MAP2K7: variants seen among roughly 807,000 people sequenced by gnomAD.
MAP2K7 encodes mitogen-activated protein kinase kinase 7, also known as dual specificity mitogen-activated protein kinase kinase 7.
MAP2K7 carries 12 observed loss-of-function variants against 47.7 expected under a neutral mutation model. The ratio of observed to expected loss-of-function variants is 0.25; its 90% CI spans 0.16 to 0.41. MAP2K7 has a LOEUF of 0.41. MAP2K7 is among the 10% of genes least tolerant of loss of function. MAP2K7 has a pLI of 1.00. For synonymous variants in MAP2K7, 299 were observed against 243.0 expected, an observed-to-expected ratio of 1.23 and a Z score of -2.14; for missense variants, 415 against 600.3, an observed-to-expected ratio of 0.69 and a Z score of 3.23.
rs1157627888 is a variant in MAP2K7 at position 7,912,205 on chromosome 19, GAGCCCTCCC to G, written c.1125+14_1125+22del. On this transcript the variant is annotated intron_variant, in intron 10 of 10. Coordinates refer to ENST00000397979, the MANE Select transcript of MAP2K7 (RefSeq NM_145185.4). Reference sequence around the variant, plus strand: ...TATAATAAGCTACTTGTGAGTACCTGAGCCCTCCCAGTCCCCGTCCTGTCCCTGCGGAGG... The same window carrying G: ...TATAATAAGCTACTTGTGAGTACCTGAGTCCCCGTCCTGTCCCTGCGGAGG... 1 of 1,613,804 alleles carries G rather than the reference GAGCCCTCCC, an allele frequency of 6.2e-7. No homozygotes were observed. Among genetic ancestry groups the G allele is most frequent in the African/African-American group, 1.3e-5 (1 of 74,948 alleles).
In MAP2K7 at chr19:7,909,903, C is replaced by T; in HGVS notation, c.266+7C>T. The T allele has an allele frequency of 6.6e-7, 1 of 1,511,154 alleles. No individual in the cohort carries two copies. The highest frequency in any genetic ancestry group is 1.3e-5 in the South Asian group (1 of 78,980). The allele number at this position is 1,511,154 out of a possible 1,614,324, so 93.6% of individuals were successfully genotyped here. A position where few individuals can be genotyped will look rare whatever the true frequency, so the allele number is the denominator to read the frequency against. ...CACCCCGCAGCATGGAGAGGTGAGC[C>T]AGGGGCCCAGCAGGGTTGGGTGGGA... On this transcript the variant is annotated splice_region_variant and intron_variant, in intron 2 of 10. Coordinates refer to ENST00000397979, the MANE Select transcript of MAP2K7 (RefSeq NM_145185.4).
In MAP2K7 at chr19:7,913,831, G is replaced by A. The variant is rs1170559438; in HGVS notation, c.*1400G>A. On this transcript the variant is annotated 3_prime_UTR_variant, in exon 11 of 11. Coordinates refer to ENST00000397979, the MANE Select transcript of MAP2K7 (RefSeq NM_145185.4). Reference sequence around the variant, plus strand: ...AAAATCCAACACCAAAGGCGCAGAAGCCGGCTGGCCGTGGTGGGGGCAGCG... The same window carrying A: ...AAAATCCAACACCAAAGGCGCAGAAACCGGCTGGCCGTGGTGGGGGCAGCG... 1.3e-5 allele frequency: 2 copies of A among 152,446 alleles called. No individual in the cohort carries two copies. Among genetic ancestry groups the A allele is most frequent in the Middle Eastern group, 3.4e-3 (1 of 292 alleles). The allele number at this position is 152,446 out of a possible 1,614,324, so 9.4% of individuals were successfully genotyped here. A position where few individuals can be genotyped will look rare whatever the true frequency, so the allele number is the denominator to read the frequency against.
Position 7,913,665 on chromosome 19 carries a change from C to G in MAP2K7, c.*1234C>G, listed in dbSNP as rs529580332. On this transcript the variant is annotated 3_prime_UTR_variant, in exon 11 of 11. Transcript: ENST00000397979. ...CACCGGGGACCCAGGCCAGGTGCCC[C>G]CCGGAGCCTGCTGGGGTGGCCAGAG... 6.7e-4 allele frequency: 102 copies of G among 152,140 alleles called. No individual in the cohort carries two copies. Among genetic ancestry groups the G allele is most frequent in the African/African-American group, 2.4e-3 (99 of 41,484 alleles). 9.4% of individuals were successfully genotyped at this position (152,140 alleles called of 1,614,324 possible).
At chr19:7,908,701 G>A (rs1982617984) in intron 1 of MAP2K7, among the ~76,000 whole-genome samples, 2 of 152,064 alleles carry the variant, frequency 1.3e-5, no homozygotes, top group Admixed American at 6.5e-5. Flanking sequence ...AGGATGTGAC[G>A]TGTCAGGATT....
Position 7,910,484 on chromosome 19 carries a change from A to T in MAP2K7, c.479A>T (p.Asn160Ile). 1 of 1,612,048 alleles carries T rather than the reference A, an allele frequency of 6.2e-7. No homozygotes were observed. Residue 160 changes from asparagine (N) to isoleucine (I), a missense_variant, in exon 5 of 11, where the codon AAC becomes ATC. This residue lies in a region of MAP2K7 where 206 missense variants were observed against 368.8 expected (regional missense o/e 0.56). Coordinates refer to ENST00000397979, the MANE Select transcript of MAP2K7 (RefSeq NM_145185.4). ...QMRRSGNKEE[N>I]KRILMDLDVV... ...CGGCGCTCCGGGAACAAGGAGGAGA[A>T]CAAGCGCATCCTCATGGACCTGGAT...
intron 1 of MAP2K7, among the ~76,000 whole-genome samples, chr19:7,907,814 G>A (rs927378239): frequency 7.2e-5 from 11 of 152,128 alleles, no homozygotes; most frequent in African/African-American, 2.4e-4. Flanking sequence ...CTCTGAGGGC[G>A]GGAACTAGGC....
In MAP2K7 at chr19:7,912,115, G is replaced by A. The variant is rs376270231; in HGVS notation, c.1080-34G>A. 1.3e-4 allele frequency: 214 copies of A among 1,609,518 alleles called. 1 individual carries two copies. Among genetic ancestry groups the A allele is most frequent in the Non-Finnish European group, 1.4e-4 (164 of 1,176,222 alleles). ...TGGGGCCGGCATCCCCTCCTCCCTC[G>A]TTCTCACATCTGTCTTCCCTTCTCT... On this transcript the variant is annotated intron_variant, in intron 9 of 10. Transcript: ENST00000397979.
rs1192074821 is a variant in MAP2K7, at chr19:7,910,996, AC to A, written c.693del (p.Tyr232ThrfsTer2). ...KMTVAIVKAL[Y>X]YLKEKHGVIH... is the part of the protein sequence containing the mutation. Reference sequence around the variant, plus strand: ...TGCCTGCAGATTGTGAAGGCGCTGTACTACCTGAAGGAGAAGCACGGTGTCA... The same window carrying A: ...TGCCTGCAGATTGTGAAGGCGCTGTATACCTGAAGGAGAAGCACGGTGTCA... On this transcript the variant is annotated frameshift_variant, in exon 7 of 11. Transcript: ENST00000397979. LOFTEE classifies it high-confidence loss of function. 1 of 1,611,674 alleles carries A rather than the reference AC, an allele frequency of 6.2e-7. No individual in the cohort carries two copies. Among genetic ancestry groups the A allele is most frequent in the African/African-American group, 1.3e-5 (1 of 74,908 alleles).
rs1983056947 is a variant in MAP2K7, at chr19:7,913,317, T to A, written c.*886T>A. 6.6e-6 allele frequency: 1 copy of A among 152,518 alleles called. No individual in the cohort carries two copies. Among genetic ancestry groups the A allele is most frequent in the Non-Finnish European group, 1.5e-5 (1 of 68,300 alleles). The allele number at this position is 152,518 out of a possible 1,614,324, so 9.4% of individuals were successfully genotyped here. ...GGGGTGAGTTGAAGACCTCAGGGGA[T>A]GTGGAGGGGTCTGCGGGGCCCTGGC... On this transcript the variant is annotated 3_prime_UTR_variant, in exon 11 of 11. Coordinates refer to ENST00000397979, the MANE Select transcript of MAP2K7 (RefSeq NM_145185.4).
rs865889556 is a variant in MAP2K7, at chr19:7,912,904, T to C, written c.*473T>C. ...TCACCCTCCCTGCCTCTGTCTCTCT[T>C]CTGGCCTGAGCCTGGGCCCAGCCAC... On this transcript the variant is annotated 3_prime_UTR_variant, in exon 11 of 11. Coordinates refer to ENST00000397979, the MANE Select transcript of MAP2K7 (RefSeq NM_145185.4). 1.1e-5 allele frequency: 2 copies of C among 176,456 alleles called. No individual in the cohort carries two copies. The highest frequency in any genetic ancestry group is 2.4e-5 in the Non-Finnish European group (2 of 81,954). 10.9% of individuals were successfully genotyped at this position (176,456 alleles called of 1,614,324 possible).
rs1443453173 is a variant in MAP2K7 at position 7,913,981 on chromosome 19, C to T, written c.*1550C>T. ...TTCTCTCTGCCCCCAGGGAGGAAAG[C>T]CACCTTCTCTTGCCCCTTGGCCCCT... On this transcript the variant is annotated 3_prime_UTR_variant, in exon 11 of 11. Coordinates refer to ENST00000397979, the MANE Select transcript of MAP2K7 (RefSeq NM_145185.4). 4 of 152,048 alleles carry T rather than the reference C, an allele frequency of 2.6e-5. No homozygotes were observed. In the East Asian group the frequency reaches 7.8e-4, roughly 30 times the overall value. The allele number at this position is 152,048 out of a possible 1,614,324, so 9.4% of individuals were successfully genotyped here. A position where few individuals can be genotyped will look rare whatever the true frequency, so the allele number is the denominator to read the frequency against.
At chr19:7,904,164 C>G (rs1043553462) in intron 1 of MAP2K7, 96 bp downstream of exon 1, 1 of 1,017,412 alleles carries the variant, frequency 9.8e-7, no homozygotes, top group Non-Finnish European at 1.2e-6. Flanking sequence ...CCCCCGCTTC[C>G]GGGGCGCTCG....
At position 7,910,250 on chromosome 19, in the gene MAP2K7, C is replaced by G. The variant is rs1477264574; in HGVS notation, c.334-10C>G. On this transcript the variant is annotated splice_polypyrimidine_tract_variant and intron_variant, in intron 3 of 10. Coordinates refer to ENST00000397979, the MANE Select transcript of MAP2K7 (RefSeq NM_145185.4). ...CCCCAGGGACCCTCCAACCCTCCCT[C>G]TCCTCCCAGCGCTACCAGGCAGAAA... The G allele has an allele frequency of 6.2e-7, 1 of 1,612,446 alleles. No homozygotes were observed. The highest frequency in any genetic ancestry group is 8.5e-7 in the Non-Finnish European group (1 of 1,179,524).
Position 7,912,656 on chromosome 19 carries a change from A to G in MAP2K7, c.*225A>G. 1.7e-6 allele frequency: 1 copy of G among 585,102 alleles called. No individual in the cohort carries two copies. The highest frequency in any genetic ancestry group is 3.0e-6 in the Non-Finnish European group (1 of 332,544). The allele number at this position is 585,102 out of a possible 1,614,324, so 36.2% of individuals were successfully genotyped here. A position where few individuals can be genotyped will look rare whatever the true frequency, so the allele number is the denominator to read the frequency against. On this transcript the variant is annotated 3_prime_UTR_variant, in exon 11 of 11. Transcript: ENST00000397979. ...GCCGGCCGTGTGCGTCCCCCGACAG[A>G]CACTGTGAACGGAAGACAGCAGGCC...
Position 7,911,417 on chromosome 19 carries a change from C to G in MAP2K7, c.937-19C>G, listed in dbSNP as rs763422578. ...GAGGAGAACATAAACCTGTCCAGCC[C>G]TGCCCGTCTCCCTCCCAGGTGGAGC... On this transcript the variant is annotated intron_variant, in intron 8 of 10. Coordinates refer to ENST00000397979, the MANE Select transcript of MAP2K7 (RefSeq NM_145185.4). The G allele has an allele frequency of 1.9e-6, 3 of 1,613,286 alleles. No homozygotes were observed. The highest frequency in any genetic ancestry group is 2.5e-6 in the Non-Finnish European group (3 of 1,179,812).
chr19:7,904,998 C>G (rs139489570), intron 1 of MAP2K7, among the ~76,000 whole-genome samples: 1 of 151,628 alleles, frequency 6.6e-6, no homozygotes, highest in African/African-American at 2.4e-5. Context: ...ACCTTGTCAT[C>G]CTAGATCAGT....
At chr19:7,905,972 C>G in intron 1 of MAP2K7, 4 of 891,900 alleles carry the variant, frequency 4.5e-6, no homozygotes, top group Non-Finnish European at 7.4e-6. Context: ...CATGTCCCTT[C>G]CCCTCACTCT....
rs201101315 is a variant in MAP2K7 at position 7,912,383 on chromosome 19, G to C, written c.1212G>C (p.Pro404=). 3.1e-6 allele frequency: 5 copies of C among 1,613,004 alleles called. No individual in the cohort carries two copies. Among genetic ancestry groups the C allele is most frequent in the Non-Finnish European group, 3.4e-6 (4 of 1,179,984 alleles). The change falls in exon 11 of 11, where the codon CCG becomes CCC. Residue 404 remains proline (P), a synonymous_variant. Coordinates refer to ENST00000397979, the MANE Select transcript of MAP2K7 (RefSeq NM_145185.4). ...ATGTCATGGCGAAGACTGAGTCACC[G>C]CGGACTAGCGGCGTCCTGAGCCAGC... ...FKDVMAKTES[P]RTSGVLSQPH... is the part of the protein sequence containing the mutation.
intron 9 of MAP2K7, 129 bp downstream of exon 9, chr19:7,911,707 G>C: frequency 2.0e-6 from 2 of 985,390 alleles, no homozygotes; most frequent in Non-Finnish European, 1.5e-6. Context: ...CGGGCTCCTG[G>C]CTGGCGGCTG....
Sources: allele counts gnomAD v4.1 joint callset (sites outside exome capture counted in the v4.1 genomes callset), GRCh38; gene constraint gnomAD v4.1.1; regional missense constraint gnomAD v4.1.1; transcripts MANE v1.5; gene names NCBI Gene and HGNC (gene_info 2026-07-23, HGNC 2026-07-21).